ATP2A2: variants seen among roughly 807,000 people sequenced by gnomAD.
The protein encoded by ATP2A2 is sarcoplasmic/endoplasmic reticulum calcium ATPase 2.
A neutral mutation model predicts 109.3 loss-of-function variants in ATP2A2; 14 were observed. The ratio of observed to expected loss-of-function variants is 0.13; its 90% CI spans 0.08 to 0.20. The LOEUF (loss-of-function observed/expected upper bound fraction) is 0.20. ATP2A2 is among the 10% of genes least tolerant of loss of function. ATP2A2 has a pLI of 1.00. For synonymous variants in ATP2A2, 506 were observed against 490.9 expected, an observed-to-expected ratio of 1.03 and a Z score of -0.41; for missense variants, 657 against 1,321.6, an observed-to-expected ratio of 0.50 and a Z score of 7.80.
Position 110,286,834 on chromosome 12 carries a change from T to C in ATP2A2, c.219+4039T>C, listed in dbSNP as rs1358834651. On this transcript the variant is annotated intron_variant, in intron 3 of 19. Transcript: ENST00000539276. ...TGATCTTTTTAAGCACTTTTTTCTT[T>C]CGTTTTCTTTTTATGATACTAAGAG... 3.3e-5 allele frequency among the ~76,000 whole-genome samples: 5 copies of C among 152,192 alleles called. No homozygotes were observed. In the East Asian group the frequency reaches 5.8e-4, roughly 18 times the overall value.
chr12:110,342,440 A>G lies in ATP2A2; in HGVS notation c.2310A>G (p.Glu770=), dbSNP rs139120653. The stretch of plus-strand genomic sequence containing the variant: ...ACCTCATCTCGTCCAACGTCGGGGA[A>G]GTTGTCTGGTAGGTCTCTGTGACAG... ...IRYLISSNVG[E]VVCIFLTAAL... Residue 770 remains glutamate, a synonymous_variant, in exon 15 of 20, where the codon GAA becomes GAG. Coordinates refer to ENST00000539276, the MANE Select transcript of ATP2A2 (RefSeq NM_170665.4). This position sits in a 1 kb window ranked among gnomAD's most constrained non-coding sequence, Gnocchi z 4.6. 443 of 1,613,472 alleles carry G rather than the reference A, an allele frequency of 2.7e-4. No homozygotes were observed. The highest frequency in any genetic ancestry group is 3.6e-4 in the Non-Finnish European group (424 of 1,179,982).
Position 110,323,042 on chromosome 12 carries a change from A to G in ATP2A2, c.514A>G (p.Thr172Ala), listed in dbSNP as rs372323589. The change falls in exon 6 of 20, where the codon ACA becomes GCA. Residue 172 changes from threonine (T) to alanine (A), a missense_variant. Physicochemically the swap from Thr to Ala is moderately conservative, Grantham distance 58. Around this residue, in one of 9 missense-constraint regions of ATP2A2, gnomAD observed 136 missense variants for 343.9 expected, o/e 0.40. Coordinates refer to ENST00000539276, the MANE Select transcript of ATP2A2 (RefSeq NM_170665.4). ...AAGGTTAACTTCCATCAAATCTACC[A>G]CACTAAGAGTTGACCAGTCAATTCT... ...DIRLTSIKSTTLRVDQSILTG... is the reference protein window; with the variant it reads ...DIRLTSIKSTALRVDQSILTG... 42 of 1,612,766 alleles carry G rather than the reference A, an allele frequency of 2.6e-5. No homozygotes were observed. The highest frequency in any genetic ancestry group is 3.4e-5 in the Non-Finnish European group (40 of 1,178,762).
chr12:110,283,166 T>C (rs1872322860), intron 3 of ATP2A2, among the ~76,000 whole-genome samples: 1 of 152,228 alleles, frequency 6.6e-6, no homozygotes, highest in Non-Finnish European at 1.5e-5. Context: ...TTGGACTCTT[T>C]GTAGTCTGTA....
chr12:110,311,354 C>T (rs1209396201), intron 5 of ATP2A2, among the ~76,000 whole-genome samples: 3 of 151,150 alleles, frequency 2.0e-5, no homozygotes, highest in Non-Finnish European at 2.9e-5. Flanking sequence ...CTTTGGGAGG[C>T]GGAGGCGGGT....
At position 110,350,489 on chromosome 12, in the gene ATP2A2, A is replaced by C; in HGVS notation, c.*4019A>C. On this transcript the variant is annotated 3_prime_UTR_variant, in exon 20 of 20. Transcript: ENST00000539276. ...ATTACCAATGGGGTTGTTAGCTTTTAAATCAAAATACTGATTACAGATGTA... is the reference window on the plus strand; with the variant it reads ...ATTACCAATGGGGTTGTTAGCTTTTCAATCAAAATACTGATTACAGATGTA... The C allele has an allele frequency of 1.1e-6, 1 of 895,402 alleles. No homozygotes were observed. Among genetic ancestry groups the C allele is most frequent in the East Asian group, 2.6e-5 (1 of 37,966 alleles). The allele number at this position is 895,402 out of a possible 1,614,324, so 55.5% of individuals were successfully genotyped here.
At chr12:110,330,436 G>A (rs1435606427) in intron 8 of ATP2A2, 4 of 152,164 alleles carry the variant, frequency 2.6e-5, no homozygotes, top group African/African-American at 9.7e-5. Context: ...CAAAAGGTTG[G>A]ATGAATTGGC....
intron 1 of ATP2A2, 159 bp downstream of exon 1, chr12:110,282,066 C>T (rs1053813800): frequency 1.1e-5 from 6 of 528,774 alleles, no homozygotes; most frequent in African/African-American, 1.0e-4. Context: ...GAGAAAGGGG[C>T]TGCGGTCCTC....
chr12:110,312,802 A>AT (rs1430354247), intron 5 of ATP2A2, among the ~76,000 whole-genome samples: 9 of 149,576 alleles, frequency 6.0e-5, no homozygotes, highest in Admixed American at 5.4e-4. Context: ...ATGAGCCTAG[A>AT]TTGCACAACT....
intron 5 of ATP2A2, among the ~76,000 whole-genome samples, chr12:110,302,608 T>TTAC (rs1874799581): frequency 6.8e-6 from 1 of 146,318 alleles, no homozygotes; most frequent in Non-Finnish European, 1.5e-5. Context: ...ATTATTATTA[T>TTAC]TACTATTTTG....
Position 110,346,575 on chromosome 12 carries a change from G to A in ATP2A2, c.*105G>A. On this transcript the variant is annotated 3_prime_UTR_variant, in exon 20 of 20. Transcript: ENST00000539276. ...GAATTTTCACATGAACATACTGGCT[G>A]GTGATGGAGGTTTCATACTCTAGAT... 6.5e-7 allele frequency: 1 copy of A among 1,548,290 alleles called. No homozygotes were observed. Among genetic ancestry groups the A allele is most frequent in the Non-Finnish European group, 8.7e-7 (1 of 1,152,464 alleles).
chr12:110,347,225 A>G lies in ATP2A2; in HGVS notation c.*755A>G, dbSNP rs1215007873. ...GGTTATTTATTTAAATGTCTAATGTATTTTATTGTAACAGACATTGTTTTG... is the reference window on the plus strand; with the variant it reads ...GGTTATTTATTTAAATGTCTAATGTGTTTTATTGTAACAGACATTGTTTTG... On this transcript the variant is annotated 3_prime_UTR_variant, in exon 20 of 20. Transcript: ENST00000539276. 30 of 1,201,822 alleles carry G rather than the reference A, an allele frequency of 2.5e-5. No individual in the cohort carries two copies. Among genetic ancestry groups the G allele is most frequent in the Non-Finnish European group, 3.0e-5 (28 of 948,644 alleles). The allele number at this position is 1,201,822 out of a possible 1,614,324, so 74.4% of individuals were successfully genotyped here.
At chr12:110,302,587 T>C (rs1180747105) in intron 5 of ATP2A2, among the ~76,000 whole-genome samples, 3 of 101,998 alleles carry the variant, frequency 2.9e-5, no homozygotes, top group East Asian at 2.3e-4. Flanking sequence ...TTTATTACTA[T>C]TATTATTATT....
chr12:110,287,040 G>T (rs1019993822), intron 3 of ATP2A2, among the ~76,000 whole-genome samples: 2 of 152,104 alleles, frequency 1.3e-5, no homozygotes, highest in Non-Finnish European at 2.9e-5. Flanking sequence ...ATCATTTGAG[G>T]TCAGGAGTTC....
intron 5 of ATP2A2, among the ~76,000 whole-genome samples, chr12:110,307,238 T>TC (rs1193661425): frequency 6.8e-6 from 1 of 147,550 alleles, no homozygotes. Flanking sequence ...TTTTTTTTTT[T>TC]TCTTTTTTTT....
chr12:110,290,791 A>G (rs1291893605), intron 3 of ATP2A2, among the ~76,000 whole-genome samples: 5 of 151,856 alleles, frequency 3.3e-5, no homozygotes, highest in Non-Finnish European at 7.4e-5. Flanking sequence ...TTTCTAGTAG[A>G]GGTGGTTTCA....
intron 3 of ATP2A2, among the ~76,000 whole-genome samples, chr12:110,290,358 C>T (rs1174871869): frequency 1.3e-5 from 2 of 152,124 alleles, no homozygotes; most frequent in Non-Finnish European, 2.9e-5. Context: ...TTTATATATG[C>T]TCTAAAATTT....
Position 110,327,505 on chromosome 12 carries a change from T to C in ATP2A2, c.631-48T>C. ...TCAAAAACCAGCGTCGGTATTTAAG[T>C]TGGGATGTGGTATTCATCTTGTGAC... On this transcript the variant is annotated intron_variant, in intron 7 of 19. Coordinates refer to ENST00000539276, the MANE Select transcript of ATP2A2 (RefSeq NM_170665.4). This position sits in a 1 kb window ranked among gnomAD's most constrained non-coding sequence, Gnocchi z 4.4. 1 of 1,558,020 alleles carries C rather than the reference T, an allele frequency of 6.4e-7. No individual in the cohort carries two copies.
intron 5 of ATP2A2, among the ~76,000 whole-genome samples, chr12:110,300,738 G>C (rs1344249545): frequency 6.7e-6 from 1 of 149,598 alleles, no homozygotes; most frequent in Admixed American, 6.8e-5. Flanking sequence ...TCCTCCTCCT[G>C]CCTTGGCCTT....
At chr12:110,316,295 GTCTT>G (rs1404551514) in intron 5 of ATP2A2, among the ~76,000 whole-genome samples, 4 of 152,126 alleles carry the variant, frequency 2.6e-5, no homozygotes, top group Non-Finnish European at 5.9e-5. Flanking sequence ...TAAAACTACA[GTCTT>G]TCTTAGGTGT....
Sources: gnomAD v4.1 joint callset for allele counts (sites outside exome capture counted in the v4.1 genomes callset) on GRCh38, gnomAD v4.1.1 for gene constraint, gnomAD v4.1.1 regional missense constraint, Gnocchi (gnomAD v3.1) non-coding constraint, MANE v1.5 for transcripts, NCBI Gene and HGNC (gene_info 2026-07-23, HGNC 2026-07-21) for gene names.